The following DMD variants were observed in gnomAD, a reference collection of about 807,000 sequenced individuals.
The protein encoded by DMD is mutant dystrophin.
Under a neutral mutation model 330.1 loss-of-function variants are expected in DMD, and 63 were observed. That is an observed-to-expected ratio of 0.19 (90% confidence interval 0.16 to 0.24). The LOEUF is 0.24. DMD is among the 10% of genes least tolerant of loss of function. The pLI, the probability that DMD is intolerant of heterozygous loss-of-function variation, is 1.00. For synonymous variants in DMD, 1,223 were observed against 959.8 expected, an observed-to-expected ratio of 1.27 and a Z score of -5.07; for missense variants, 3,344 against 2,684.1, an observed-to-expected ratio of 1.25 and a Z score of -5.43.
intron 59 of DMD, among the ~76,000 whole-genome samples, chrX:31,450,493 G>A (rs976301597): frequency 2.7e-5 from 3 of 112,393 alleles, no homozygotes; most frequent in African/African-American, 9.7e-5. Flanking sequence ...CACAAGTTGA[G>A]CTGTAAGCAA....
At chrX:31,337,911 G>A (rs1387830907) in intron 61 of DMD, among the ~76,000 whole-genome samples, 1 of 111,784 alleles carries the variant, frequency 8.9e-6, no homozygotes, top group East Asian at 2.8e-4. Context: ...AGCTAAATGC[G>A]CCCATTCAGC....
intron 59 of DMD, among the ~76,000 whole-genome samples, chrX:31,477,599 A>G (rs1262086006): frequency 4.5e-5 from 5 of 111,258 alleles, no homozygotes; most frequent in African/African-American, 1.6e-4. Context: ...CAGTGGGCCA[A>G]TGAAACTTGA....
intron 60 of DMD, among the ~76,000 whole-genome samples, chrX:31,420,224 G>T (rs1028897375): frequency 2.7e-5 from 3 of 112,595 alleles, no homozygotes; most frequent in Non-Finnish European, 5.6e-5. Context: ...GCTCAATAAA[G>T]ACAGGAGTTA....
intron 7 of DMD, among the ~76,000 whole-genome samples, chrX:32,787,245 TG>T (rs2075447516): frequency 1.2e-5 from 1 of 81,367 alleles, no homozygotes; most frequent in Non-Finnish European, 2.6e-5. Context: ...TGTGTGTGTG[TG>T]TGAGAGAGAG....
rs763819841 is a variant in DMD at position 31,414,388 on chromosome X, G to GA, written c.9084+30092dup. 4.5e-5 allele frequency among the ~76,000 whole-genome samples: 5 copies of GA among 111,945 alleles called. 1 individual carries two copies. Among genetic ancestry groups the GA allele is most frequent in the Non-Finnish European group, 7.5e-5 (4 of 53,235 alleles). ...TTAAAAAGCTCGAAACATATGGGGGGAAAAATTAAACAAAGTGCCAAGTAG... is the reference window on the plus strand; with the variant it reads ...TTAAAAAGCTCGAAACATATGGGGGGAAAAAATTAAACAAAGTGCCAAGTAG... On this transcript the variant is annotated intron_variant, in intron 60 of 78. Coordinates refer to ENST00000357033, the MANE Select transcript of DMD (RefSeq NM_004006.3).
At chrX:33,285,747 T>C (rs2053422508) in intron 1 of DMD, among the ~76,000 whole-genome samples, 1 of 112,048 alleles carries the variant, frequency 8.9e-6, no homozygotes, top group Non-Finnish European at 1.9e-5. Context: ...TAAAATACTT[T>C]ACCTGAGACT....
At chrX:32,067,629 T>C (rs2147753579) in intron 44 of DMD, among the ~76,000 whole-genome samples, 1 of 112,043 alleles carries the variant, frequency 8.9e-6, no homozygotes, top group South Asian at 3.7e-4. Context: ...GTTCTTATGT[T>C]AATTTGCTTA....
At chrX:32,842,538 C>G (rs776814862) in intron 4 of DMD, among the ~76,000 whole-genome samples, 1 of 91,141 alleles carries the variant, frequency 1.1e-5, no homozygotes, top group Non-Finnish European at 2.0e-5. Context: ...CAAGTAAGAC[C>G]CCCCCCATAC....
At chrX:33,259,997 G>A (rs147885994) in intron 1 of DMD, among the ~76,000 whole-genome samples, 3 of 110,901 alleles carry the variant, frequency 2.7e-5, no homozygotes, top group African/African-American at 9.8e-5. Context: ...TTGTTTACAA[G>A]TTTGGTCAAT....
intron 43 of DMD, among the ~76,000 whole-genome samples, chrX:32,252,741 T>A (rs1245684379): frequency 4.5e-5 from 2 of 44,249 alleles, no homozygotes; most frequent in Admixed American, 5.3e-4. Context: ...TAAATATATA[T>A]ATAAATATAT....
At chrX:31,190,531 A>G (rs977445117) in intron 67 of DMD, among the ~76,000 whole-genome samples, 1 of 96,368 alleles carries the variant, frequency 1.0e-5, no homozygotes, top group Admixed American at 1.2e-4. Context: ...TGGGACTGAC[A>G]AAAAGTGATT....
chrX:31,178,373 A>T, intron 70 of DMD: 2 of 962,332 alleles, frequency 2.1e-6, no homozygotes, highest in Non-Finnish European at 2.6e-6. Flanking sequence ...ACTCATTTGT[A>T]AACAGTCCCA....
chrX:32,855,157 T>C (rs965998288), intron 2 of DMD, among the ~76,000 whole-genome samples: 1 of 111,751 alleles, frequency 8.9e-6, no homozygotes, highest in Admixed American at 9.5e-5. Context: ...CAAAACTGGG[T>C]ATAGAAGCAG....
intron 60 of DMD, among the ~76,000 whole-genome samples, chrX:31,439,950 A>G (rs59090701): frequency 0.021 from 2,325 of 111,506 alleles, 60 homozygotes; most frequent in African/African-American, 0.071. Flanking sequence ...GCAATGAGGA[A>G]TATAATGCTT....
chrX:31,448,422 C>T (rs965958042), intron 59 of DMD, among the ~76,000 whole-genome samples: 12 of 111,830 alleles, frequency 1.1e-4, no homozygotes, highest in African/African-American at 3.6e-4. Context: ...GAAGTATGGC[C>T]GCCTAAACAC....
intron 17 of DMD, among the ~76,000 whole-genome samples, chrX:32,518,997 C>CTTTT (rs56678455): frequency 5.0e-4 from 21 of 42,076 alleles, no homozygotes; most frequent in African/African-American, 1.7e-3. Context: ...ATTTTCAAAC[C>CTTTT]TTTTTTTTTT....
chrX:31,636,918 T>A (rs1407423305), intron 54 of DMD, among the ~76,000 whole-genome samples: 1 of 111,887 alleles, frequency 8.9e-6, no homozygotes, highest in Non-Finnish European at 1.9e-5. Flanking sequence ...TATGAAATTA[T>A]ACAAAGTTAT....
chrX:33,096,112 C>T (rs754859219), intron 1 of DMD, among the ~76,000 whole-genome samples: 2 of 108,129 alleles, frequency 1.8e-5, no homozygotes, highest in East Asian at 5.9e-4. Flanking sequence ...GTAGCTGGGT[C>T]TACAGGCGCC....
chrX:31,416,923 TC>T (rs1277004464), intron 60 of DMD, among the ~76,000 whole-genome samples: 1 of 112,253 alleles, frequency 8.9e-6, no homozygotes, highest in Non-Finnish European at 1.9e-5. Context: ...TTTTCTAATC[TC>T]CTCATTTATA....
Sources: gnomAD v4.1 joint callset for allele counts (sites outside exome capture counted in the v4.1 genomes callset) on GRCh38, gnomAD v4.1.1 for gene constraint, MANE v1.5 for transcripts, NCBI Gene and HGNC (gene_info 2026-07-23, HGNC 2026-07-21) for gene names.